MLIP: variants seen among roughly 807,000 people sequenced by gnomAD.
MLIP encodes muscular LMNA interacting protein, also known as muscular LMNA-interacting protein.
MLIP carries 79 observed loss-of-function variants against 84.8 expected under a neutral mutation model. That is an observed-to-expected ratio of 0.93 (90% confidence interval 0.78 to 1.12). The LOEUF is 1.12. Ranked by LOEUF, MLIP falls within the 50% of genes most tolerant of loss-of-function variation. MLIP has a pLI of 0.00. For synonymous variants in MLIP, 504 were observed against 463.0 expected (o/e 1.09, Z -1.14); for missense variants, 1,257 against 1,160.6 (o/e 1.08, Z -1.21).
chr6:54,192,125 A>G (rs1777977729), intron 10 of MLIP, among the ~76,000 whole-genome samples: 1 of 152,030 alleles, frequency 6.6e-6, no homozygotes, highest in African/African-American at 2.4e-5. Context: ...TGGCAAAACT[A>G]CAAAGCATTG....
intron 1 of MLIP, among the ~76,000 whole-genome samples, chr6:54,072,292 TA>T (rs1766534778): frequency 6.6e-6 from 1 of 152,184 alleles, no homozygotes; most frequent in Admixed American, 6.5e-5. Flanking sequence ...AGAAACCTTT[TA>T]AAAACCCACC....
intron 1 of MLIP, among the ~76,000 whole-genome samples, chr6:54,069,127 TG>T (rs1165437118): frequency 9.8e-6 from 1 of 101,560 alleles, no homozygotes; most frequent in African/African-American, 2.5e-5. Context: ...GTGCTCCATG[TG>T]TTTTAAGAAT....
intron 11 of MLIP, chr6:54,217,640 G>A: frequency 1.0e-6 from 1 of 983,492 alleles, no homozygotes; most frequent in Non-Finnish European, 1.2e-6. Flanking sequence ...CAAAAATCAA[G>A]CTCCTCAGTA....
intron 13 of MLIP, among the ~76,000 whole-genome samples, chr6:54,260,970 T>C (rs115979861): frequency 2.4e-3 from 360 of 152,028 alleles, no homozygotes; most frequent in Admixed American, 3.8e-3. Context: ...ATGAGATCTG[T>C]AAATAATTGA....
chr6:54,119,171 T>G (rs1339014814), intron 1 of MLIP, among the ~76,000 whole-genome samples: 2 of 152,204 alleles, frequency 1.3e-5, no homozygotes, highest in East Asian at 3.8e-4. Flanking sequence ...CCATATGATC[T>G]AGCAATCCCA....
chr6:54,184,352 G>A (rs926654296), intron 9 of MLIP, among the ~76,000 whole-genome samples: 1 of 152,136 alleles, frequency 6.6e-6, no homozygotes, highest in Non-Finnish European at 1.5e-5. Context: ...AGAAAGAAAA[G>A]GCAACTGTTT....
intron 4 of MLIP, among the ~76,000 whole-genome samples, chr6:54,147,005 T>G (rs1269908147): frequency 6.6e-6 from 1 of 152,204 alleles, no homozygotes; most frequent in African/African-American, 2.4e-5. Context: ...ATCTACCTAA[T>G]AGCTTTGTTG....
chr6:54,126,691 C>T (rs993718499), intron 3 of MLIP, among the ~76,000 whole-genome samples: 2 of 151,978 alleles, frequency 1.3e-5, no homozygotes, highest in East Asian at 3.9e-4. Context: ...CCAAAGAAAG[C>T]AGTCTGGAAG....
chr6:54,130,510 C>T (rs1008945029), intron 3 of MLIP, among the ~76,000 whole-genome samples: 1 of 152,158 alleles, frequency 6.6e-6, no homozygotes, highest in African/African-American at 2.4e-5. Context: ...GTTTCCGCTT[C>T]TGCATCCTTC....
chr6:54,193,803 C>A (rs746697469), intron 10 of MLIP, among the ~76,000 whole-genome samples: 2 of 152,076 alleles, frequency 1.3e-5, no homozygotes, highest in African/African-American at 2.4e-5. Flanking sequence ...CTAGGGTCTG[C>A]GTTAAACCTT....
intron 9 of MLIP, among the ~76,000 whole-genome samples, chr6:54,187,891 C>T (rs1777550343): frequency 6.6e-6 from 1 of 152,170 alleles, no homozygotes; most frequent in Admixed American, 6.5e-5. Flanking sequence ...CCTGTACTCT[C>T]AGGTATTCCG....
chr6:54,260,851 AT>A (rs1783336160), intron 13 of MLIP, among the ~76,000 whole-genome samples: 1 of 151,960 alleles, frequency 6.6e-6, no homozygotes, highest in African/African-American at 2.4e-5. Flanking sequence ...CTGGCATAGC[AT>A]TTGGTGCAAG....
chr6:54,176,140 T>C (rs1776260941), intron 9 of MLIP, among the ~76,000 whole-genome samples: 1 of 152,020 alleles, frequency 6.6e-6, no homozygotes, highest in Non-Finnish European at 1.5e-5. Context: ...TAGCATTTTG[T>C]TGAGGATTTT....
chr6:54,173,429 C>T (rs1775966356), intron 9 of MLIP, among the ~76,000 whole-genome samples: 2 of 151,926 alleles, frequency 1.3e-5, no homozygotes, highest in African/African-American at 4.8e-5. Flanking sequence ...ATATTAACAT[C>T]TAAAATGATA....
intron 11 of MLIP, among the ~76,000 whole-genome samples, chr6:54,229,429 G>A (rs1582566683): frequency 6.6e-6 from 1 of 152,214 alleles, no homozygotes; most frequent in African/African-American, 2.4e-5. Flanking sequence ...ATAGGTAAAC[G>A]TGTGCCATAG....
chr6:54,104,288 A>G (rs1215288882), intron 1 of MLIP, among the ~76,000 whole-genome samples: 1 of 152,178 alleles, frequency 6.6e-6, no homozygotes. Flanking sequence ...GTTACCTCAA[A>G]AGATGCTGGC....
intron 11 of MLIP, among the ~76,000 whole-genome samples, chr6:54,229,393 A>T (rs895227990): frequency 2.0e-5 from 3 of 152,180 alleles, no homozygotes; most frequent in Admixed American, 2.0e-4. Context: ...TCCAGGGTAT[A>T]TGTGCAGGAT....
At chr6:54,027,796 T>C (rs1400941536) in intron 1 of MLIP, among the ~76,000 whole-genome samples, 2 of 152,200 alleles carry the variant, frequency 1.3e-5, no homozygotes, top group African/African-American at 2.4e-5. Context: ...ATTAAAGCAG[T>C]GTCTGCTGAT....
At chr6:54,153,573 C>T (rs566083350) in intron 5 of MLIP, among the ~76,000 whole-genome samples, 1 of 151,980 alleles carries the variant, frequency 6.6e-6, no homozygotes, top group Non-Finnish European at 1.5e-5. Context: ...CTTGGCAGGG[C>T]GTGATGGCTC....
Sources: allele counts gnomAD v4.1 joint callset (sites outside exome capture counted in the v4.1 genomes callset), GRCh38; gene constraint gnomAD v4.1.1; transcripts MANE v1.5; gene names NCBI Gene and HGNC (gene_info 2026-07-23, HGNC 2026-07-21).